Variants in TPTE observed in about 807,000 individuals in gnomAD.
The protein encoded by TPTE is putative tyrosine-protein phosphatase TPTE.
A neutral mutation model predicts 84.1 loss-of-function variants in TPTE; 59 were observed. The ratio of observed to expected loss-of-function variants is 0.70; its 90% CI spans 0.57 to 0.87. TPTE has a LOEUF of 0.87. Among genes scored for constraint, TPTE ranks in the 40% least tolerant of loss-of-function variants. The pLI is 0.00. For missense variants in TPTE, 382 were observed against 659.6 expected, an observed-to-expected ratio of 0.58 and a Z score of 4.61; for synonymous variants, 130 against 223.5, an observed-to-expected ratio of 0.58 and a Z score of 3.73.
chr21:10,571,462 A>G (rs1160429084), intron 14 of TPTE, among the ~76,000 whole-genome samples: 5 of 152,310 alleles, frequency 3.3e-5, no homozygotes, highest in Non-Finnish European at 5.9e-5. Flanking sequence ...AAGCAAGGAA[A>G]CATTACACCT....
At chr21:10,571,376 A>G (rs1423396325) in intron 14 of TPTE, among the ~76,000 whole-genome samples, 1 of 152,310 alleles carries the variant, frequency 6.6e-6, no homozygotes, top group Non-Finnish European at 1.5e-5. Context: ...TTCTCTGTGA[A>G]AGCTCCCTAA....
chr21:10,557,159 T>G (rs1188628591), intron 8 of TPTE, among the ~76,000 whole-genome samples: 1 of 152,310 alleles, frequency 6.6e-6, no homozygotes, highest in East Asian at 1.9e-4. Context: ...CTTTGAGTAA[T>G]TGTTTTTAGG....
intron 3 of TPTE, among the ~76,000 whole-genome samples, chr21:10,528,108 A>G (rs1409895328): frequency 1.3e-5 from 2 of 152,312 alleles, no homozygotes; most frequent in African/African-American, 4.8e-5. Context: ...TCTAGAGAAA[A>G]ATCAAGTACC....
intron 4 of TPTE, among the ~76,000 whole-genome samples, 174 bp downstream of exon 4, chr21:10,538,908 C>T (rs1418923832): frequency 6.6e-6 from 1 of 152,308 alleles, no homozygotes; most frequent in Non-Finnish European, 1.5e-5. Context: ...AAACATACAA[C>T]AAGGAGACAG....
chr21:10,559,627 A>G lies in TPTE; in HGVS notation c.284+83A>G. The G allele has an allele frequency of 1.9e-6, 3 of 1,602,472 alleles. No homozygotes were observed. In the South Asian group the frequency reaches 3.3e-5, roughly 18 times the overall value. The stretch of plus-strand genomic sequence containing the variant: ...GGTGGCTCACACCTGTAATCCCAGC[A>G]CCCTGGGAGGCCGAGGCGGGCGGAT... On this transcript the variant is annotated intron_variant, in intron 9 of 23. Transcript: ENST00000618007.
At chr21:10,524,559 G>C (rs2074045584) in intron 1 of TPTE, 21 bp from the exon 2 acceptor site, 1 of 152,454 alleles carries the variant, frequency 6.6e-6, no homozygotes, top group African/African-American at 2.4e-5. Context: ...ACAGGATCTT[G>C]ATTAAATTTC....
Position 10,540,665 on chromosome 21 carries a change from A to T in TPTE, c.12-447A>T, listed in dbSNP as rs1014411819. ...TGCCTTTGCCCATACCCACTCTCAC[A>T]TGGGATGGAGCCCTTGCTTGAGGCC... On this transcript the variant is annotated intron_variant, in intron 4 of 23. Transcript: ENST00000618007. 4 of 519,156 alleles carry T rather than the reference A, an allele frequency of 7.7e-6. No individual in the cohort carries two copies. In the Admixed American group the frequency reaches 7.8e-5, roughly 10 times the overall value. 32.2% of individuals were successfully genotyped at this position (519,156 alleles called of 1,614,324 possible). A position where few individuals can be genotyped will look rare whatever the true frequency, so the allele number is the denominator to read the frequency against.
intron 17 of TPTE, among the ~76,000 whole-genome samples, chr21:10,587,878 C>A (rs1225593953): frequency 2.0e-5 from 3 of 152,294 alleles, no homozygotes; most frequent in East Asian, 1.9e-4. Context: ...GAGATGGAGT[C>A]TTGCTCTGTC....
At chr21:10,524,034 G>A (rs1422048316) in intron 1 of TPTE, among the ~76,000 whole-genome samples, 4 of 152,308 alleles carry the variant, frequency 2.6e-5, no homozygotes, top group African/African-American at 4.8e-5. Context: ...CTTGGGCCAA[G>A]CTCGTTCTAT....
chr21:10,540,239 A>G (rs888129323), intron 4 of TPTE, among the ~76,000 whole-genome samples: 3 of 152,302 alleles, frequency 2.0e-5, no homozygotes, highest in Non-Finnish European at 2.9e-5. Flanking sequence ...ATGCATATAC[A>G]AACACATACA....
At chr21:10,522,480 C>T (rs1001932465) in intron 1 of TPTE, among the ~76,000 whole-genome samples, 7 of 152,304 alleles carry the variant, frequency 4.6e-5, no homozygotes, top group Non-Finnish European at 8.8e-5. Flanking sequence ...GGCGTAGGGT[C>T]CCCAGCGATG....
At chr21:10,540,523 GAGAA>G (rs1284845646) in intron 4 of TPTE, among the ~76,000 whole-genome samples, 1 of 152,310 alleles carries the variant, frequency 6.6e-6, no homozygotes, top group Non-Finnish European at 1.5e-5. Flanking sequence ...TGCTTGCAGG[GAGAA>G]GGAGATAGGA....
chr21:10,555,635 AT>A (rs1195332020), intron 8 of TPTE, among the ~76,000 whole-genome samples: 3 of 152,302 alleles, frequency 2.0e-5, no homozygotes, highest in African/African-American at 7.2e-5. Flanking sequence ...ATATGTTTGT[AT>A]TTATGATTTC....
intron 17 of TPTE, among the ~76,000 whole-genome samples, chr21:10,588,455 C>G (rs1207695276): frequency 1.3e-5 from 2 of 152,312 alleles, no homozygotes; most frequent in East Asian, 1.9e-4. Flanking sequence ...TTTTCTTTGA[C>G]AGTGACCTTG....
In TPTE at chr21:10,584,337, C is replaced by CTTTTTTTTTTTTTT. The variant is rs58211728; in HGVS notation, c.1027+5738_1027+5751dup. 3.5e-5 allele frequency among the ~76,000 whole-genome samples: 5 copies of CTTTTTTTTTTTTTT among 143,784 alleles called. 1 individual carries two copies. The highest frequency in any genetic ancestry group is 4.6e-5 in the Non-Finnish European group (3 of 64,610). The allele number at this position is 143,784 out of a possible 152,430, so 94.3% of individuals were successfully genotyped here. A position where few individuals can be genotyped will look rare whatever the true frequency, so the allele number is the denominator to read the frequency against. ...GCAGTTAGCAACTTTCCTAAACTCA[C>CTTTTTTTTTTTTTT]TTTTTTTTTTTTTTTTTTTGAGGCA... is the stretch of plus-strand genomic sequence containing the variant. On this transcript the variant is annotated intron_variant, in intron 17 of 23. Transcript: ENST00000618007.
chr21:10,529,327 G>A (rs1310066453), intron 3 of TPTE, among the ~76,000 whole-genome samples: 3 of 152,312 alleles, frequency 2.0e-5, no homozygotes, highest in African/African-American at 7.2e-5. Context: ...TGGGATATAG[G>A]AAGATGATGC....
chr21:10,572,939 A>G (rs2075075944), intron 14 of TPTE, among the ~76,000 whole-genome samples: 1 of 152,262 alleles, frequency 6.6e-6, no homozygotes, highest in South Asian at 2.1e-4. Flanking sequence ...GATATACAAA[A>G]CAACCAGAAA....
At chr21:10,553,853 T>A (rs1358107359) in intron 8 of TPTE, among the ~76,000 whole-genome samples, 2 of 152,312 alleles carry the variant, frequency 1.3e-5, no homozygotes, top group Non-Finnish European at 2.9e-5. Flanking sequence ...ATCCATGTAC[T>A]GGATATTGTA....
At chr21:10,522,310 C>CT (rs1423245828) in intron 1 of TPTE, among the ~76,000 whole-genome samples, 6 of 146,036 alleles carry the variant, frequency 4.1e-5, no homozygotes, top group Non-Finnish European at 7.5e-5. Context: ...TTTAGAAGGG[C>CT]TTGGGGTGCG....
Sources: allele counts gnomAD v4.1 joint callset (sites outside exome capture counted in the v4.1 genomes callset), GRCh38; gene constraint gnomAD v4.1.1; transcripts MANE v1.5; gene names NCBI Gene and HGNC (gene_info 2026-07-23, HGNC 2026-07-21).